DAB1: variants seen among roughly 807,000 people sequenced by gnomAD.
DAB1 encodes disabled homolog 1.
Under a neutral mutation model 64.6 loss-of-function variants are expected in DAB1, and 15 were observed. The observed-to-expected ratio is 0.23, with a 90% CI of 0.16 to 0.36. DAB1 has a LOEUF of 0.36. Among genes scored for constraint, DAB1 ranks in the 10% least tolerant of loss-of-function variants. The probability of loss-of-function intolerance (pLI) is 1.00; values close to 1 mark genes in which losing one functional copy is unlikely to be tolerated. For synonymous variants in DAB1, 235 were observed against 251.9 expected (o/e 0.93, Z 0.64); for missense variants, 596 against 706.7 (o/e 0.84, Z 1.78).
At chr1:58,254,114 C>G (rs995742273) in intron 4 of DAB1, among the ~76,000 whole-genome samples, 10 of 151,600 alleles carry the variant, frequency 6.6e-5, no homozygotes, top group Non-Finnish European at 1.5e-4. Flanking sequence ...ACATTCACTT[C>G]AGATCCACAC....
chr1:57,323,325 G>T (rs780074456), intron 1 of DAB1, among the ~76,000 whole-genome samples: 22 of 152,280 alleles, frequency 1.4e-4, no homozygotes, highest in Non-Finnish European at 5.9e-5. Context: ...GCCAAGGAAG[G>T]CTTCCCAAAA....
Position 57,951,262 on chromosome 1 carries a change from G to C in DAB1, n.388-67100C>G, listed in dbSNP as rs749168331. The stretch of plus-strand genomic sequence containing the variant: ...GAAGGATAGACATTGGGGGGTGAGG[G>C]GGGTAGTCTTTTGTATGACTTTCTT... On this transcript the variant is annotated intron_variant and non_coding_transcript_variant, in intron 5 of 20. Coordinates refer to the DAB1 transcript ENST00000485760. Among the ~76,000 whole-genome samples, 22 of 144,950 alleles carry C rather than the reference G, an allele frequency of 1.5e-4. 1 individual carries two copies. The highest frequency in any genetic ancestry group is 2.7e-4 in the Non-Finnish European group (18 of 65,802).
At chr1:58,220,671 G>A (rs1659112613) in intron 4 of DAB1, among the ~76,000 whole-genome samples, 1 of 152,020 alleles carries the variant, frequency 6.6e-6, no homozygotes. Flanking sequence ...GCAATTTGGG[G>A]TAAATCACTT....
chr1:57,535,826 C>A (rs527251283), intron 7 of DAB1, among the ~76,000 whole-genome samples: 1 of 152,172 alleles, frequency 6.6e-6, no homozygotes, highest in African/African-American at 2.4e-5. Context: ...TTTTTTCAAG[C>A]TTTTCAGGGT....
intron 6 of DAB1, among the ~76,000 whole-genome samples, chr1:57,816,237 C>T (rs1346836912): frequency 2.6e-5 from 4 of 152,208 alleles, no homozygotes; most frequent in East Asian, 3.8e-4. Flanking sequence ...TTCGGCTCTA[C>T]CTTAAGATTT....
chr1:57,348,852 C>T (rs956909777), intron 1 of DAB1, among the ~76,000 whole-genome samples: 2 of 152,150 alleles, frequency 1.3e-5, no homozygotes, highest in African/African-American at 4.8e-5. Flanking sequence ...TCCAACAAGA[C>T]TCCAAAGTTC....
At chr1:57,927,713 A>G (rs1363454448) in intron 5 of DAB1, among the ~76,000 whole-genome samples, 1 of 152,220 alleles carries the variant, frequency 6.6e-6, no homozygotes, top group Non-Finnish European at 1.5e-5. Context: ...CAAACCCGAA[A>G]GTACATTCCT....
intron 1 of DAB1, among the ~76,000 whole-genome samples, chr1:57,370,836 C>T (rs1479763430): frequency 2.6e-5 from 4 of 152,140 alleles, no homozygotes; most frequent in Non-Finnish European, 4.4e-5. Context: ...AAAATTAACA[C>T]AATTGTAGTG....
intron 6 of DAB1, among the ~76,000 whole-genome samples, chr1:57,750,567 C>T (rs1648505508): frequency 6.6e-6 from 1 of 152,106 alleles, no homozygotes; most frequent in African/African-American, 2.4e-5. Flanking sequence ...TATCCCAGTC[C>T]CTAGATTGCA....
intron 1 of DAB1, among the ~76,000 whole-genome samples, chr1:57,350,073 T>C (rs767902794): frequency 2.0e-5 from 3 of 152,222 alleles, no homozygotes; most frequent in Admixed American, 6.5e-5. Context: ...TTCTTCCTAC[T>C]AGCCCATGCT....
chr1:57,272,414 A>G (rs148060699), intron 2 of DAB1, among the ~76,000 whole-genome samples: 20 of 152,314 alleles, frequency 1.3e-4, no homozygotes, highest in African/African-American at 3.4e-4. Flanking sequence ...CAAACTTTAG[A>G]GTCCCAAGAA....
chr1:57,010,660 T>C lies in DAB1; in HGVS notation c.*15+20A>G, dbSNP rs139040792. 3.0e-5 allele frequency: 41 copies of C among 1,371,668 alleles called. No homozygotes were observed. In the African/African-American group the frequency reaches 4.1e-4, roughly 14 times the overall value. The allele number at this position is 1,371,668 out of a possible 1,614,324, so 85.0% of individuals were successfully genotyped here. On this transcript the variant is annotated intron_variant, in intron 14 of 14. Transcript: ENST00000371236. ...GCAGATAGCTTAAGGGTAAAGGAGA[T>C]AAAAAGGACAGATACCTACCCAGAC...
intron 5 of DAB1, among the ~76,000 whole-genome samples, chr1:58,028,894 T>C (rs1646932945): frequency 6.6e-6 from 1 of 152,162 alleles, no homozygotes; most frequent in African/African-American, 2.4e-5. Flanking sequence ...TATGTCTCCA[T>C]CCAAAGACCC....
rs529587144 is a variant in DAB1, at chr1:57,404,912, C to G, written c.-137+19018G>C. Among the ~76,000 whole-genome samples the G allele has an allele frequency of 7.2e-5, 11 of 152,190 alleles. No homozygotes were observed. In the South Asian group the frequency reaches 2.3e-3, roughly 32 times the overall value. On this transcript the variant is annotated intron_variant, in intron 1 of 14. Transcript: ENST00000371236. ...TTTATTGTGAACAACTTTTTTATAT[C>G]CTAACAGTTTTATACTAGCTATGAA...
In DAB1 at chr1:58,392,145, G is replaced by A. The variant is rs374026961; in HGVS notation, n.258-48742C>T. Among the ~76,000 whole-genome samples, 6 of 152,166 alleles carry A rather than the reference G, an allele frequency of 3.9e-5. No individual in the cohort carries two copies. In the East Asian group the frequency reaches 9.6e-4, roughly 24 times the overall value. On this transcript the variant is annotated intron_variant and non_coding_transcript_variant, in intron 3 of 20. Coordinates refer to the DAB1 transcript ENST00000485760. Reference sequence around the variant, plus strand: ...TAACATCACTTAGCAGGGCAGGCAGGAAGGAAGAAGAGCTAAGCGCAGAGT... The same window carrying A: ...TAACATCACTTAGCAGGGCAGGCAGAAAGGAAGAAGAGCTAAGCGCAGAGT...
chr1:57,777,137 A>ATTTT (rs1553127984), intron 6 of DAB1, among the ~76,000 whole-genome samples: 1 of 104,292 alleles, frequency 9.6e-6, no homozygotes, highest in African/African-American at 3.7e-5. Flanking sequence ...TATTTTCTGA[A>ATTTT]TTTCTTTTTT....
intron 2 of DAB1, among the ~76,000 whole-genome samples, chr1:57,261,964 A>G (rs909034664): frequency 2.0e-5 from 3 of 152,206 alleles, no homozygotes; most frequent in African/African-American, 7.2e-5. Flanking sequence ...CACTGGGCCA[A>G]TGAAAATAAA....
At chr1:57,919,250 A>C (rs1386648219) in intron 5 of DAB1, among the ~76,000 whole-genome samples, 3 of 152,120 alleles carry the variant, frequency 2.0e-5, no homozygotes, top group Non-Finnish European at 4.4e-5. Flanking sequence ...ACACTCAAAA[A>C]CTGGCAGTTC....
chr1:58,226,152 A>G (rs1659470473), intron 4 of DAB1, among the ~76,000 whole-genome samples: 1 of 152,096 alleles, frequency 6.6e-6, no homozygotes, highest in Non-Finnish European at 1.5e-5. Context: ...AAGTCATGGT[A>G]TCTCCATCAG....
Sources: gnomAD v4.1 joint callset for allele counts (sites outside exome capture counted in the v4.1 genomes callset) on GRCh38, gnomAD v4.1.1 for gene constraint, MANE v1.5 for transcripts, NCBI Gene and HGNC (gene_info 2026-07-23, HGNC 2026-07-21) for gene names.